CRIM1: variants seen among roughly 807,000 people sequenced by gnomAD.
The protein encoded by CRIM1 is cysteine-rich motor neuron 1 protein.
A neutral mutation model predicts 116.4 loss-of-function variants in CRIM1; 32 were observed. The ratio of observed to expected loss-of-function variants is 0.27; its 90% CI spans 0.21 to 0.37. The LOEUF (loss-of-function observed/expected upper bound fraction) is 0.37. Among genes scored for constraint, CRIM1 ranks in the 10% least tolerant of loss-of-function variants. The pLI is 1.00. For missense variants in CRIM1, 1,331 were observed against 1,354.8 expected (o/e 0.98, Z 0.28); for synonymous variants, 590 against 509.2 (o/e 1.16, Z -2.13).
At chr2:36,406,243 A>T (rs2148403407) in intron 2 of CRIM1, among the ~76,000 whole-genome samples, 1 of 152,352 alleles carries the variant, frequency 6.6e-6, no homozygotes, top group Non-Finnish European at 1.5e-5. Flanking sequence ...GTTACAAATT[A>T]TCACCACTGT....
chr2:36,364,082 C>T (rs1035289578), intron 1 of CRIM1, among the ~76,000 whole-genome samples: 2 of 152,076 alleles, frequency 1.3e-5, no homozygotes, highest in African/African-American at 2.4e-5. Context: ...CTCCTAGGTT[C>T]GCTGTGGGGG....
chr2:36,479,028 G>A (rs3770849), intron 6 of CRIM1, among the ~76,000 whole-genome samples: 9 of 152,072 alleles, frequency 5.9e-5, no homozygotes, highest in South Asian at 2.1e-4. Context: ...CCACATGGTC[G>A]TGCAGGTACA....
chr2:36,434,880 T>G (rs1675177109), intron 2 of CRIM1, among the ~76,000 whole-genome samples: 1 of 152,332 alleles, frequency 6.6e-6, no homozygotes, highest in South Asian at 2.1e-4. Context: ...TCTTGCTTTG[T>G]GTTTTGTGTG....
intron 13 of CRIM1, chr2:36,532,015 T>G (rs1282023576): frequency 4.3e-6 from 2 of 470,366 alleles, no homozygotes; most frequent in Admixed American, 4.7e-5. Flanking sequence ...TTGCAGAGAC[T>G]TTGTTTCTGA....
rs1433779865 is a variant in CRIM1, at chr2:36,527,729, A to G, written c.2428+5416A>G. 2.0e-5 allele frequency among the ~76,000 whole-genome samples: 3 copies of G among 152,220 alleles called. No individual in the cohort carries two copies. The East Asian group carries it at 5.8e-4, about 29-fold the overall frequency. On this transcript the variant is annotated intron_variant, in intron 13 of 16. Transcript: ENST00000280527. ...TGTATTTAATTCAGCCCAAGAATCA[A>G]TTATAGTAAATATTTAATTCAGGCA...
intron 5 of CRIM1, among the ~76,000 whole-genome samples, chr2:36,471,151 A>T (rs563895754): frequency 6.6e-6 from 1 of 152,344 alleles, no homozygotes; most frequent in East Asian, 1.9e-4. Context: ...CAAAGAAAGT[A>T]GTTTCTTGAG....
intron 2 of CRIM1, among the ~76,000 whole-genome samples, chr2:36,401,393 A>T (rs1672392875): frequency 6.6e-6 from 1 of 152,200 alleles, no homozygotes; most frequent in Non-Finnish European, 1.5e-5. Context: ...AAAGGGAATG[A>T]CCTGCAAGTT....
intron 7 of CRIM1, among the ~76,000 whole-genome samples, chr2:36,483,239 T>C (rs1013851996): frequency 6.6e-6 from 1 of 152,140 alleles, no homozygotes; most frequent in Non-Finnish European, 1.5e-5. Flanking sequence ...TGGAATAGCA[T>C]ATAAAGTTTT....
chr2:36,520,011 A>C (rs1348619251), intron 12 of CRIM1, among the ~76,000 whole-genome samples: 1 of 152,216 alleles, frequency 6.6e-6, no homozygotes, highest in Admixed American at 6.5e-5. Flanking sequence ...AGTGTAAAGA[A>C]AAGGGTCTAG....
At chr2:36,534,084 A>G (rs1198562749) in intron 13 of CRIM1, among the ~76,000 whole-genome samples, 1 of 121,630 alleles carries the variant, frequency 8.2e-6, no homozygotes, top group East Asian at 2.8e-4. Flanking sequence ...TGGGAAGGAG[A>G]GAGGGGAAAG....
In CRIM1 at chr2:36,362,154, A is replaced by G. The variant is rs190005320; in HGVS notation, c.331+5531A>G. ...AGACTGCAAAAAGTCTATTATGTAG[A>G]CTTGCAAAAAGTCTACATAATAATA... On this transcript the variant is annotated intron_variant, in intron 1 of 16. Coordinates refer to ENST00000280527, the MANE Select transcript of CRIM1 (RefSeq NM_016441.3). 5.9e-5 allele frequency among the ~76,000 whole-genome samples: 9 copies of G among 152,212 alleles called. No individual in the cohort carries two copies. In the East Asian group the frequency reaches 1.7e-3, roughly 29 times the overall value.
At chr2:36,516,103 G>T (rs1665015552) in intron 11 of CRIM1, among the ~76,000 whole-genome samples, 1 of 152,174 alleles carries the variant, frequency 6.6e-6, no homozygotes, top group Non-Finnish European at 1.5e-5. Flanking sequence ...ATTCCCTTGA[G>T]ATAAAGCTGT....
chr2:36,546,256 T>C (rs1264113223), intron 15 of CRIM1, among the ~76,000 whole-genome samples: 1 of 152,186 alleles, frequency 6.6e-6, no homozygotes, highest in Non-Finnish European at 1.5e-5. Context: ...GTGCCCCCTA[T>C]TGGTATGTGT....
chr2:36,360,631 A>G (rs1381803410), intron 1 of CRIM1, among the ~76,000 whole-genome samples: 2 of 152,176 alleles, frequency 1.3e-5, no homozygotes, highest in Non-Finnish European at 2.9e-5. Flanking sequence ...CCTGGAAGAC[A>G]GTCAGTGAAG....
intron 13 of CRIM1, among the ~76,000 whole-genome samples, chr2:36,523,903 T>C (rs574124768): frequency 1.4e-4 from 22 of 152,224 alleles, no homozygotes; most frequent in South Asian, 1.0e-3. Context: ...CTCTGCGTGT[T>C]GGTATATGAG....
intron 1 of CRIM1, among the ~76,000 whole-genome samples, chr2:36,388,270 G>T (rs138986150): frequency 6.6e-6 from 1 of 152,250 alleles, no homozygotes; most frequent in Non-Finnish European, 1.5e-5. Context: ...ATACTGGAAA[G>T]GTCCTGGAAA....
At chr2:36,421,620 G>A (rs1416786164) in intron 2 of CRIM1, among the ~76,000 whole-genome samples, 3 of 152,222 alleles carry the variant, frequency 2.0e-5, no homozygotes, top group African/African-American at 7.2e-5. Flanking sequence ...ATGAAGTGTA[G>A]TCAGGCGTTA....
chr2:36,364,692 C>T (rs970401161), intron 1 of CRIM1, among the ~76,000 whole-genome samples: 3 of 152,022 alleles, frequency 2.0e-5, no homozygotes, highest in African/African-American at 7.2e-5. Context: ...TTTTTTTAAT[C>T]GTGAGATCAG....
chr2:36,419,702 C>G (rs1156546650), intron 2 of CRIM1, among the ~76,000 whole-genome samples: 1 of 152,174 alleles, frequency 6.6e-6, no homozygotes, highest in Non-Finnish European at 1.5e-5. Context: ...CATAAAGCTT[C>G]ATTTCATTTT....
Sources: allele counts gnomAD v4.1 joint callset (sites outside exome capture counted in the v4.1 genomes callset), GRCh38; gene constraint gnomAD v4.1.1; transcripts MANE v1.5; gene names NCBI Gene and HGNC (gene_info 2026-07-23, HGNC 2026-07-21).